ZEB2: variants seen among roughly 807,000 people sequenced by gnomAD.
ZEB2 encodes zinc finger E-box-binding homeobox 2.
A neutral mutation model predicts 99.9 loss-of-function variants in ZEB2; 6 were observed. The ratio of observed to expected loss-of-function variants is 0.06; its 90% CI spans 0.03 to 0.12. The LOEUF is 0.12. Ranked by LOEUF, ZEB2 falls within the 10% of genes least tolerant of loss-of-function variation. The probability of loss-of-function intolerance (pLI) is 1.00; values close to 1 mark genes in which losing one functional copy is unlikely to be tolerated. For synonymous variants in ZEB2, 517 were observed against 542.5 expected, an observed-to-expected ratio of 0.95 and a Z score of 0.65; for missense variants, 969 against 1,502.8, an observed-to-expected ratio of 0.64 and a Z score of 5.87.
chr2:144,459,062 C>A (rs1704158482), intron 2 of ZEB2, among the ~76,000 whole-genome samples: 1 of 151,978 alleles, frequency 6.6e-6, no homozygotes, highest in Non-Finnish European at 1.5e-5. Flanking sequence ...AGCCCTAAGC[C>A]ACACATATAT....
intron 8 of ZEB2, 61 bp from the exon 9 acceptor site, chr2:144,396,653 T>C: frequency 6.4e-7 from 1 of 1,561,476 alleles, no homozygotes; most frequent in Non-Finnish European, 8.7e-7. Flanking sequence ...CCAAACAACT[T>C]CACATAGGGG....
At chr2:144,499,994 T>C (rs756288351) in intron 2 of ZEB2, among the ~76,000 whole-genome samples, 6 of 152,220 alleles carry the variant, frequency 3.9e-5, no homozygotes, top group Non-Finnish European at 5.9e-5. Context: ...AATGCATGGA[T>C]TGATTTTCAA....
chr2:144,396,266 T>C (rs915416226), intron 9 of ZEB2, 146 bp downstream of exon 9: 7 of 1,055,030 alleles, frequency 6.6e-6, no homozygotes, highest in Non-Finnish European at 1.0e-5. Context: ...AAAAAAGTCC[T>C]ACTGAGCTCG....
intron 2 of ZEB2, chr2:144,514,022 TG>T (rs1333695552): frequency 2.5e-6 from 2 of 815,866 alleles, no homozygotes; most frequent in Non-Finnish European, 3.6e-6. Flanking sequence ...TCTTATTTTC[TG>T]GGAAGAGATT....
intron 2 of ZEB2, among the ~76,000 whole-genome samples, chr2:144,475,140 G>GT (rs1704413301): frequency 6.6e-6 from 1 of 152,148 alleles, no homozygotes; most frequent in African/African-American, 2.4e-5. Flanking sequence ...TAAAAGTATG[G>GT]TTTTCTCACT....
intron 2 of ZEB2, among the ~76,000 whole-genome samples, chr2:144,449,028 G>A (rs1704021663): frequency 6.6e-6 from 1 of 152,176 alleles, no homozygotes; most frequent in Non-Finnish European, 1.5e-5. Context: ...ATGAACGTCC[G>A]TGCCTTGGAA....
intron 2 of ZEB2, among the ~76,000 whole-genome samples, chr2:144,459,159 A>C (rs1449205495): frequency 6.6e-6 from 1 of 152,178 alleles, no homozygotes; most frequent in Non-Finnish European, 1.5e-5. Context: ...CCAAGCTTTA[A>C]GCATTAGGTA....
At chr2:144,422,442 C>T (rs540735856) in intron 4 of ZEB2, among the ~76,000 whole-genome samples, 1 of 152,292 alleles carries the variant, frequency 6.6e-6, no homozygotes, top group African/African-American at 2.4e-5. Context: ...AGTTCGAATT[C>T]TACCTCCTTC....
chr2:144,505,205 T>C (rs1255957034), intron 2 of ZEB2, among the ~76,000 whole-genome samples: 3 of 151,136 alleles, frequency 2.0e-5, no homozygotes, highest in Admixed American at 6.6e-5. Context: ...CCTAAAAGAA[T>C]GCTAGAAAGT....
chr2:144,499,460 C>T (rs927584866), intron 2 of ZEB2, among the ~76,000 whole-genome samples: 2 of 152,100 alleles, frequency 1.3e-5, no homozygotes, highest in South Asian at 4.1e-4. Context: ...AAGTTGATAG[C>T]ATAATGTTTT....
At chr2:144,440,527 T>A (rs1371442093) in intron 2 of ZEB2, among the ~76,000 whole-genome samples, 1,137 of 13,494 alleles carry the variant, frequency 0.084, 7 homozygotes, top group Admixed American at 0.091. Context: ...TTTTTTTTTT[T>A]TTTTTTTTTT....
intron 3 of ZEB2, chr2:144,426,750 G>C (rs1703695161): frequency 6.6e-6 from 1 of 152,156 alleles, no homozygotes; most frequent in South Asian, 2.1e-4. Context: ...CATTGGATGA[G>C]ATGGTGTCAC....
chr2:144,493,809 A>T (rs1422234642), intron 2 of ZEB2, among the ~76,000 whole-genome samples: 1 of 152,144 alleles, frequency 6.6e-6, no homozygotes. Flanking sequence ...CTGCTGTCCA[A>T]ATCCTATTAT....
intron 3 of ZEB2, chr2:144,426,847 C>A (rs1001400505): frequency 3.9e-5 from 6 of 152,144 alleles, no homozygotes; most frequent in African/African-American, 1.4e-4. Flanking sequence ...GAAAATGAAA[C>A]ACTACTAAGC....
chr2:144,389,805 C>T lies in ZEB2; in HGVS notation c.3291G>A (p.Glu1097=). The T allele has an allele frequency of 6.2e-7, 1 of 1,611,748 alleles. No individual in the cohort carries two copies. The highest frequency in any genetic ancestry group is 1.7e-5 in the Admixed American group (1 of 59,876). Residue 1097 remains glutamate, a synonymous_variant, in exon 10 of 10, where the codon GAG becomes GAA. Coordinates refer to ENST00000627532, the MANE Select transcript of ZEB2 (RefSeq NM_014795.4). The surrounding 1 kb of genome is among the most constrained non-coding windows in gnomAD (Gnocchi z 6.8). ...GCTCGGTGGGTTCCAAGTGCCCTTT[C>T]TCGCGCGCCTCGCGCTCCGCCGCTT... is the stretch of plus-strand genomic sequence containing the variant. ...EREAAEREAR[E]KGHLEPTELL...
chr2:144,431,479 C>A (rs1703769090), intron 2 of ZEB2, among the ~76,000 whole-genome samples: 1 of 151,618 alleles, frequency 6.6e-6, no homozygotes, highest in African/African-American at 2.4e-5. Context: ...GTATAATCCG[C>A]GGGTCTGCAC....
chr2:144,424,451 A>G (rs1286799521), intron 4 of ZEB2: 1 of 536,914 alleles, frequency 1.9e-6, no homozygotes. Context: ...GGTGGCTAGC[A>G]GAGGTATATC....
chr2:144,430,429 T>C (rs1703754585), intron 2 of ZEB2: 1 of 232,492 alleles, frequency 4.3e-6, no homozygotes, highest in Non-Finnish European at 9.4e-6. Flanking sequence ...TGTTGTACTA[T>C]AAATACGAGA....
chr2:144,518,244 T>C (rs1277576230), intron 1 of ZEB2: 3 of 152,432 alleles, frequency 2.0e-5, no homozygotes, highest in Non-Finnish European at 2.9e-5. Context: ...GCAATACTTT[T>C]AAGCTCTACT....
Sources: allele counts gnomAD v4.1 joint callset (sites outside exome capture counted in the v4.1 genomes callset), GRCh38; gene constraint gnomAD v4.1.1; non-coding constraint Gnocchi (gnomAD v3.1); transcripts MANE v1.5; gene names NCBI Gene and HGNC (gene_info 2026-07-23, HGNC 2026-07-21).